Variants in SLCO1B3 observed in about 807,000 individuals in gnomAD.
SLCO1B3 encodes the protein solute carrier organic anion transporter family member 1B3.
In SLCO1B3, 72 loss-of-function variants were observed where a neutral mutation model predicts 71.8. The ratio of observed to expected loss-of-function variants is 1.00; its 90% CI spans 0.83 to 1.22. SLCO1B3 has a LOEUF of 1.22. Ranked by LOEUF, SLCO1B3 falls within the 50% of genes most tolerant of loss-of-function variation. The pLI is 0.00. For missense variants in SLCO1B3, 911 were observed against 819.7 expected (o/e 1.11, Z -1.36); for synonymous variants, 298 against 278.4 (o/e 1.07, Z -0.70).
chr12:20,875,482 G>A lies in SLCO1B3; in HGVS notation c.970+5G>A, dbSNP rs765610427. On this transcript the variant is annotated splice_donor_5th_base_variant and intron_variant, in intron 9 of 15. Transcript: ENST00000381545. ...ATGTTACCAAAAATGTGACTGGTAG[G>A]TATTTGACATTCATTGTCAACTTGG... 38 of 1,593,612 alleles carry A rather than the reference G, an allele frequency of 2.4e-5. No individual in the cohort carries two copies. Among genetic ancestry groups the A allele is most frequent in the Non-Finnish European group, 3.1e-5 (37 of 1,175,626 alleles).
At chr12:20,843,194 A>T (rs935191657) in intron 3 of SLCO1B3, among the ~76,000 whole-genome samples, 2 of 152,132 alleles carry the variant, frequency 1.3e-5, no homozygotes, top group Non-Finnish European at 2.9e-5. Context: ...CTAAAATTTT[A>T]AATTTTAGAT....
chr12:20,825,456 G>A lies in SLCO1B3; in HGVS notation c.84+9634G>A, dbSNP rs1295259049. 3.9e-5 allele frequency among the ~76,000 whole-genome samples: 6 copies of A among 152,048 alleles called. No homozygotes were observed. In the East Asian group the frequency reaches 7.7e-4, roughly 20 times the overall value. ...GACTGGTGTTACGGTTTAAGATTTA[G>A]CAGGACTTGGTGTGCTTTTTAGACC... On this transcript the variant is annotated intron_variant, in intron 3 of 15. Transcript: ENST00000381545.
At chr12:20,825,766 TCCAGCCTGGGTGACAGAGCAAGA>T (rs1864406783) in intron 3 of SLCO1B3, among the ~76,000 whole-genome samples, 1 of 129,860 alleles carries the variant, frequency 7.7e-6, no homozygotes, top group Non-Finnish European at 1.5e-5. Flanking sequence ...GGCACTGCAC[TCCAGCCTGGGTGACAGAGCAAGA>T]CTCTGTCTCA....
chr12:20,847,377 A>G (rs1383938379), intron 3 of SLCO1B3, among the ~76,000 whole-genome samples: 1 of 152,114 alleles, frequency 6.6e-6, no homozygotes, highest in East Asian at 1.9e-4. Flanking sequence ...ACCCTTCATG[A>G]TGGGATTTGT....
chr12:20,821,870 GA>G (rs1439401848), intron 3 of SLCO1B3, among the ~76,000 whole-genome samples: 1 of 152,216 alleles, frequency 6.6e-6, no homozygotes, highest in Non-Finnish European at 1.5e-5. Context: ...ACCGGCACCG[GA>G]GTTTTGGGTC....
At chr12:20,908,145 T>A (rs1202853976) in intron 15 of SLCO1B3, among the ~76,000 whole-genome samples, 1 of 152,056 alleles carries the variant, frequency 6.6e-6, no homozygotes, top group African/African-American at 2.4e-5. Context: ...AATAAAAAAA[T>A]TTTAAAAAGG....
chr12:20,907,740 C>G (rs902632935), intron 15 of SLCO1B3, among the ~76,000 whole-genome samples: 1 of 151,824 alleles, frequency 6.6e-6, no homozygotes, highest in African/African-American at 2.4e-5. Flanking sequence ...AACTCCTGAC[C>G]TCAGGTGGCC....
At chr12:20,858,794 AATATT>A (rs1248291817) in intron 5 of SLCO1B3, 3 of 291,218 alleles carry the variant, frequency 1.0e-5, no homozygotes, top group East Asian at 5.9e-5. Context: ...AAATAAGAAT[AATATT>A]ATATAAGGTA....
intron 15 of SLCO1B3, among the ~76,000 whole-genome samples, chr12:20,907,653 C>T (rs964585763): frequency 4.6e-5 from 7 of 151,314 alleles, no homozygotes; most frequent in African/African-American, 1.7e-4. Flanking sequence ...GGATTACAGG[C>T]GCCCGCCATT....
intron 3 of SLCO1B3, among the ~76,000 whole-genome samples, chr12:20,839,459 T>G (rs1307462568): frequency 6.6e-6 from 1 of 152,134 alleles, no homozygotes. Context: ...CTATCAATGC[T>G]TTACATATTT....
chr12:20,855,197 C>T, intron 4 of SLCO1B3, 28 bp downstream of exon 4: 1 of 1,572,514 alleles, frequency 6.4e-7, no homozygotes, highest in Non-Finnish European at 8.7e-7. Flanking sequence ...TATTTGATAA[C>T]CATACTTGCA....
chr12:20,889,335 T>A (rs1015381900), intron 13 of SLCO1B3, among the ~76,000 whole-genome samples: 14 of 152,064 alleles, frequency 9.2e-5, no homozygotes, highest in African/African-American at 3.4e-4. Flanking sequence ...TTTGTTGTTG[T>A]CATCAGGAGA....
At position 20,878,571 on chromosome 12, in the gene SLCO1B3, T is replaced by C. The variant is rs191233343; in HGVS notation, c.1135+635T>C. Among the ~76,000 whole-genome samples, 32 of 152,224 alleles carry C rather than the reference T, an allele frequency of 2.1e-4. No homozygotes were observed. In the East Asian group the frequency reaches 6.2e-3, roughly 29 times the overall value. ...GATAAGTATTTGATGAGTTAAACAG[T>C]GTATCAAATGGTATGTATCTAGGTC... On this transcript the variant is annotated intron_variant, in intron 10 of 15. Transcript: ENST00000381545.
At chr12:20,905,466 G>C (rs1022715166) in intron 15 of SLCO1B3, among the ~76,000 whole-genome samples, 1 of 152,156 alleles carries the variant, frequency 6.6e-6, no homozygotes, top group Non-Finnish European at 1.5e-5. Context: ...TCCAGTTTCA[G>C]ATAATCTCTT....
intron 8 of SLCO1B3, among the ~76,000 whole-genome samples, chr12:20,866,096 A>G (rs2121264756): frequency 6.6e-6 from 1 of 152,290 alleles, no homozygotes; most frequent in African/African-American, 2.4e-5. Context: ...TAAGTGCTGT[A>G]ACATCAACCT....
chr12:20,862,832 G>A lies in SLCO1B3; in HGVS notation c.705G>A (p.Val235=). 6.3e-7 allele frequency: 1 copy of A among 1,595,030 alleles called. No homozygotes were observed. Among genetic ancestry groups the A allele is most frequent in the South Asian group, 1.1e-5 (1 of 90,500 alleles). Residue 235 remains valine, a synonymous_variant, in exon 8 of 16, where the codon GTG becomes GTA. Transcript: ENST00000381545. The stretch of plus-strand genomic sequence containing the variant: ...GATCTCTGTTTGCTAAAATGTACGT[G>A]GATATTGGATATGTAGATCTGAGTA... ...ALGSLFAKMY[V]DIGYVDLSTI...
At chr12:20,885,546 A>G (rs1277929603) in intron 13 of SLCO1B3, among the ~76,000 whole-genome samples, 3 of 152,022 alleles carry the variant, frequency 2.0e-5, no homozygotes, top group African/African-American at 7.2e-5. Flanking sequence ...AAATAGAAAA[A>G]GTGGGGATAG....
chr12:20,839,293 A>G (rs978418188), intron 3 of SLCO1B3, among the ~76,000 whole-genome samples: 2 of 152,010 alleles, frequency 1.3e-5, no homozygotes, highest in Admixed American at 6.6e-5. Context: ...CTTCTGATCT[A>G]TATTATTTTC....
At chr12:20,844,341 C>T (rs6487154) in intron 3 of SLCO1B3, among the ~76,000 whole-genome samples, 30 of 151,968 alleles carry the variant, frequency 2.0e-4, no homozygotes, top group East Asian at 1.2e-3. Context: ...CTGAGGTGGG[C>T]GAATCACTTG....
Sources: allele counts gnomAD v4.1 joint callset (sites outside exome capture counted in the v4.1 genomes callset), GRCh38; gene constraint gnomAD v4.1.1; transcripts MANE v1.5; gene names NCBI Gene and HGNC (gene_info 2026-07-23, HGNC 2026-07-21).